SLC6A17: variants seen among roughly 807,000 people sequenced by gnomAD.
SLC6A17 encodes solute carrier family 6 member 17.
In SLC6A17, 21 loss-of-function variants were observed where a neutral mutation model predicts 64.5. The observed-to-expected ratio is 0.33, with a 90% CI of 0.23 to 0.47. The LOEUF (loss-of-function observed/expected upper bound fraction) is 0.47. Among genes scored for constraint, SLC6A17 ranks in the 20% least tolerant of loss-of-function variants. The pLI is 1.00. For synonymous variants in SLC6A17, 372 were observed against 399.5 expected, an observed-to-expected ratio of 0.93 and a Z score of 0.82; for missense variants, 682 against 963.2, an observed-to-expected ratio of 0.71 and a Z score of 3.86.
chr1:110,158,814 A>G (rs1655826324), intron 1 of SLC6A17, among the ~76,000 whole-genome samples: 1 of 152,158 alleles, frequency 6.6e-6, no homozygotes, highest in South Asian at 2.1e-4. Context: ...TTATTTCATC[A>G]ATTCCAAAAT....
chr1:110,154,424 G>A (rs1330405977), intron 1 of SLC6A17, among the ~76,000 whole-genome samples: 1 of 152,172 alleles, frequency 6.6e-6, no homozygotes, highest in Non-Finnish European at 1.5e-5. Context: ...CTAGAGCTGT[G>A]GGTCCAGTTT....
chr1:110,199,847 G>GGATA lies in SLC6A17; in HGVS notation c.*1406_*1407insAGAT. 1 of 395,488 alleles carries GGATA rather than the reference G, an allele frequency of 2.5e-6. No homozygotes were observed. The allele number at this position is 395,488 out of a possible 1,614,324, so 24.5% of individuals were successfully genotyped here. ...AGTAAATGTCTGCAGAGAGATGGAT[G>GGATA]GATGGATGGATAGATGGATGGATGG... is the stretch of plus-strand genomic sequence containing the variant. On this transcript the variant is annotated 3_prime_UTR_variant, in exon 12 of 12. Transcript: ENST00000331565.
intron 1 of SLC6A17, among the ~76,000 whole-genome samples, chr1:110,158,245 T>C (rs1411685403): frequency 6.6e-6 from 1 of 152,050 alleles, no homozygotes; most frequent in African/African-American, 2.4e-5. Context: ...TTTAAAAATA[T>C]TTTAAATGCC....
In SLC6A17 at chr1:110,155,424, T is replaced by C. The variant is rs552215118; in HGVS notation, c.-88+4541T>C. ...AATATGAATTACTGTATACACTTACTCTCATGTTCAGAACCAGGTATGTTT... is the reference window on the plus strand; with the variant it reads ...AATATGAATTACTGTATACACTTACCCTCATGTTCAGAACCAGGTATGTTT... On this transcript the variant is annotated intron_variant, in intron 1 of 11. Transcript: ENST00000331565. Among the ~76,000 whole-genome samples the C allele has an allele frequency of 2.4e-4, 36 of 152,354 alleles. No homozygotes were observed. In the South Asian group the frequency reaches 7.5e-3, roughly 32 times the overall value.
chr1:110,191,474 T>C (rs1656822382), intron 6 of SLC6A17, among the ~76,000 whole-genome samples: 2 of 152,126 alleles, frequency 1.3e-5, no homozygotes. Context: ...TTTGGGTTTT[T>C]TTTCCTTTCA....
intron 2 of SLC6A17, among the ~76,000 whole-genome samples, chr1:110,171,823 C>T (rs894044229): frequency 1.3e-5 from 2 of 152,112 alleles, no homozygotes; most frequent in East Asian, 1.9e-4. Flanking sequence ...CATACATACA[C>T]TTCCTCCCTT....
At chr1:110,189,305 C>T (rs1656766137) in intron 6 of SLC6A17, among the ~76,000 whole-genome samples, 1 of 152,198 alleles carries the variant, frequency 6.6e-6, no homozygotes, top group Admixed American at 6.5e-5. Context: ...ACCTGTTCCT[C>T]TCCCACTGTC....
intron 6 of SLC6A17, among the ~76,000 whole-genome samples, chr1:110,186,359 TTAA>T (rs1656683049): frequency 6.6e-6 from 1 of 151,738 alleles, no homozygotes; most frequent in Non-Finnish European, 1.5e-5. Flanking sequence ...GATGGAAATC[TTAA>T]TGATGGTATG....
rs1452619893 is a variant in SLC6A17, at chr1:110,199,889, G to A, written c.*1445G>A. On this transcript the variant is annotated 3_prime_UTR_variant, in exon 12 of 12. Coordinates refer to ENST00000331565, the MANE Select transcript of SLC6A17 (RefSeq NM_001010898.4). ...GATGGATGGGTTGGGGAGTGGGGGT[G>A]GATGGATGGATAGATGGATGGATGG... The A allele has an allele frequency of 1.8e-5, 7 of 387,216 alleles. No homozygotes were observed. The highest frequency in any genetic ancestry group is 4.6e-5 in the Admixed American group (1 of 21,842). 24.0% of individuals were successfully genotyped at this position (387,216 alleles called of 1,614,324 possible).
chr1:110,176,573 G>T lies in SLC6A17; in HGVS notation c.754-56G>T, dbSNP rs540365781. On this transcript the variant is annotated intron_variant, in intron 5 of 11. Coordinates refer to ENST00000331565, the MANE Select transcript of SLC6A17 (RefSeq NM_001010898.4). ...TGCCCCAGATGTGAGCAGGGATGGGGGGTGCCAGCTGCAGGAAGGGCTCTG... is the reference window on the plus strand; with the variant it reads ...TGCCCCAGATGTGAGCAGGGATGGGTGGTGCCAGCTGCAGGAAGGGCTCTG... The T allele has an allele frequency of 1.3e-5, 20 of 1,515,502 alleles. No individual in the cohort carries two copies. In the East Asian group the frequency reaches 2.9e-4, roughly 22 times the overall value. 93.9% of individuals were successfully genotyped at this position (1,515,502 alleles called of 1,614,324 possible).
chr1:110,156,512 T>C (rs1655764771), intron 1 of SLC6A17, among the ~76,000 whole-genome samples: 1 of 152,174 alleles, frequency 6.6e-6, no homozygotes, highest in South Asian at 2.1e-4. Context: ...AACATACCAG[T>C]ATGTCAAAAA....
intron 1 of SLC6A17, among the ~76,000 whole-genome samples, chr1:110,161,252 G>C (rs915056276): frequency 6.6e-6 from 1 of 152,224 alleles, no homozygotes; most frequent in Non-Finnish European, 1.5e-5. Flanking sequence ...AGGTAATTAG[G>C]AGAACAGTTT....
chr1:110,176,340 C>G (rs745665180), intron 5 of SLC6A17, among the ~76,000 whole-genome samples: 9 of 152,104 alleles, frequency 5.9e-5, no homozygotes, highest in Non-Finnish European at 1.0e-4. Flanking sequence ...TCCCTTACCC[C>G]CTTGGCAGCC....
chr1:110,197,328 A>G (rs1656995684), intron 10 of SLC6A17, 109 bp from the exon 11 acceptor site: 4 of 1,408,156 alleles, frequency 2.8e-6, no homozygotes, highest in African/African-American at 1.4e-5. Context: ...AGAAGAGCCC[A>G]GGAGGGAGGG....
Position 110,200,212 on chromosome 1 carries a change from A to G in SLC6A17, c.*1768A>G, listed in dbSNP as rs749181240. The G allele has an allele frequency of 1.0e-4, 40 of 397,376 alleles. No homozygotes were observed. Among genetic ancestry groups the G allele is most frequent in the Admixed American group, 1.8e-4 (4 of 22,642 alleles). 24.6% of individuals were successfully genotyped at this position (397,376 alleles called of 1,614,324 possible). On this transcript the variant is annotated 3_prime_UTR_variant, in exon 12 of 12. Coordinates refer to ENST00000331565, the MANE Select transcript of SLC6A17 (RefSeq NM_001010898.4). Reference sequence around the variant, plus strand: ...GTTCCCCCAAGCCTGGGAGCAGTCTATCCCCCAACCCTGCCATCTCCCTTA... The same window carrying G: ...GTTCCCCCAAGCCTGGGAGCAGTCTGTCCCCCAACCCTGCCATCTCCCTTA...
chr1:110,189,458 C>T (rs1243969112), intron 6 of SLC6A17, among the ~76,000 whole-genome samples: 8 of 152,214 alleles, frequency 5.3e-5, no homozygotes, highest in Admixed American at 5.2e-4. Context: ...CACCACCCAG[C>T]CCCTTAGCAA....
intron 2 of SLC6A17, chr1:110,168,087 CAACT>C (rs960553394): frequency 7.9e-5 from 12 of 152,222 alleles, no homozygotes; most frequent in African/African-American, 2.7e-4. Context: ...AACCAGAGAT[CAACT>C]AACTAAAAAT....
At chr1:110,172,889 A>G (rs902979116) in intron 3 of SLC6A17, among the ~76,000 whole-genome samples, 1 of 152,242 alleles carries the variant, frequency 6.6e-6, no homozygotes, top group South Asian at 2.1e-4. Flanking sequence ...GGCAAAGCCT[A>G]CAGGGAACCA....
Position 110,173,940 on chromosome 1 carries a change from G to A in SLC6A17, c.445-33G>A, listed in dbSNP as rs766844806. 2.5e-6 allele frequency: 4 copies of A among 1,609,540 alleles called. No homozygotes were observed. The Admixed American group carries it at 6.7e-5, about 27-fold the overall frequency. ...TGGGGGCAGGGTGGAGTTGCCTGCA[G>A]CCTCAGTGACCCCGCAGTGGGCTTG... On this transcript the variant is annotated intron_variant, in intron 3 of 11. Transcript: ENST00000331565.
Sources: allele counts gnomAD v4.1 joint callset (sites outside exome capture counted in the v4.1 genomes callset), GRCh38; gene constraint gnomAD v4.1.1; transcripts MANE v1.5; gene names NCBI Gene and HGNC (gene_info 2026-07-23, HGNC 2026-07-21).